The following ZNF385B variants were observed in gnomAD, a reference collection of about 807,000 sequenced individuals.
ZNF385B encodes zinc finger protein 385B, also known as zinc finger protein 533.
In ZNF385B, 23 loss-of-function variants were observed where a neutral mutation model predicts 39.2. The ratio of observed to expected loss-of-function variants is 0.59; its 90% CI spans 0.42 to 0.83. The LOEUF (loss-of-function observed/expected upper bound fraction) is 0.83. ZNF385B is among the 40% of genes least tolerant of loss of function. The probability of loss-of-function intolerance (pLI) is 0.00; values close to 1 mark genes in which losing one functional copy is unlikely to be tolerated. For synonymous variants in ZNF385B, 205 were observed against 222.6 expected (o/e 0.92, Z 0.70); for missense variants, 552 against 598.9 (o/e 0.92, Z 0.82).
intron 3 of ZNF385B, among the ~76,000 whole-genome samples, chr2:179,760,028 C>T (rs1169012375): frequency 6.7e-6 from 1 of 149,550 alleles, no homozygotes; most frequent in Non-Finnish European, 1.5e-5. Context: ...AACACCTTGC[C>T]CAGCTTCTAC....
intron 3 of ZNF385B, among the ~76,000 whole-genome samples, chr2:179,611,582 C>T (rs778553054): frequency 6.6e-6 from 1 of 152,120 alleles, no homozygotes; most frequent in Non-Finnish European, 1.5e-5. Context: ...GTATTTCCTC[C>T]TCCTATTTGT....
intron 3 of ZNF385B, among the ~76,000 whole-genome samples, chr2:179,716,521 T>C (rs950223846): frequency 1.3e-5 from 2 of 152,248 alleles, no homozygotes; most frequent in African/African-American, 2.4e-5. Context: ...ATAAATTATG[T>C]ATCTGATTTA....
In ZNF385B at chr2:179,841,914, CA is replaced by C. The variant is rs527983677; in HGVS notation, c.-155+19186del. Among the ~76,000 whole-genome samples, 129 of 152,226 alleles carry C rather than the reference CA, an allele frequency of 8.5e-4. 1 individual carries two copies. The highest frequency in any genetic ancestry group is 1.7e-3 in the Non-Finnish European group (114 of 68,002). ...TGAGAGGACTGATCACTCTCAAGAA[CA>C]AAATGACACACTCCCCACAAATACT... On this transcript the variant is annotated intron_variant, in intron 1 of 9. Coordinates refer to ENST00000410066, the MANE Select transcript of ZNF385B (RefSeq NM_152520.6).
chr2:179,517,975 C>T (rs2058207568), intron 5 of ZNF385B, among the ~76,000 whole-genome samples: 1 of 152,090 alleles, frequency 6.6e-6, no homozygotes, highest in Admixed American at 6.5e-5. Context: ...CAAAATTTGA[C>T]ACAAACATGA....
intron 3 of ZNF385B, among the ~76,000 whole-genome samples, chr2:179,697,234 T>C (rs1167814286): frequency 6.6e-6 from 1 of 152,196 alleles, no homozygotes; most frequent in Non-Finnish European, 1.5e-5. Context: ...CTGTTTTGTG[T>C]TCCCACCCAA....
intron 3 of ZNF385B, among the ~76,000 whole-genome samples, chr2:179,587,102 C>T (rs1405473643): frequency 6.6e-6 from 1 of 151,088 alleles, no homozygotes; most frequent in Non-Finnish European, 1.5e-5. Flanking sequence ...CCCTACTCCC[C>T]ACTCCCTTCC....
intron 3 of ZNF385B, among the ~76,000 whole-genome samples, chr2:179,734,345 T>C (rs1701601805): frequency 1.3e-5 from 2 of 152,230 alleles, no homozygotes; most frequent in Non-Finnish European, 1.5e-5. Flanking sequence ...TAAGTTTTAA[T>C]AGTTATTACC....
At chr2:179,557,276 G>C (rs1398142152) in intron 3 of ZNF385B, among the ~76,000 whole-genome samples, 1 of 148,852 alleles carries the variant, frequency 6.7e-6, no homozygotes. Flanking sequence ...ATTAGCATTT[G>C]GTGTGTTTTC....
intron 1 of ZNF385B, among the ~76,000 whole-genome samples, chr2:179,857,223 C>A: frequency 6.6e-6 from 1 of 152,178 alleles, no homozygotes; most frequent in East Asian, 1.9e-4. Context: ...AAAATTCAAT[C>A]CAACTAGTTA....
chr2:179,674,137 GA>G (rs962119050), intron 3 of ZNF385B, among the ~76,000 whole-genome samples: 18 of 151,882 alleles, frequency 1.2e-4, no homozygotes, highest in African/African-American at 4.3e-4. Flanking sequence ...GCATTCCTTT[GA>G]AAAAAAGTAT....
chr2:179,512,692 A>G (rs774053683), intron 5 of ZNF385B, among the ~76,000 whole-genome samples: 31 of 152,310 alleles, frequency 2.0e-4, no homozygotes, highest in Non-Finnish European at 3.8e-4. Flanking sequence ...ACACCATGTT[A>G]GAAAAAAGGT....
At chr2:179,612,443 G>A (rs892431092) in intron 3 of ZNF385B, among the ~76,000 whole-genome samples, 1 of 151,728 alleles carries the variant, frequency 6.6e-6, no homozygotes, top group Non-Finnish European at 1.5e-5. Context: ...TGAATTAAGG[G>A]GCACTCCAAG....
intron 3 of ZNF385B, among the ~76,000 whole-genome samples, chr2:179,652,536 A>T (rs1027917532): frequency 6.6e-6 from 1 of 152,114 alleles, no homozygotes; most frequent in African/African-American, 2.4e-5. Flanking sequence ...CAGCCAGGAA[A>T]TTGGGTGTTA....
intron 3 of ZNF385B, among the ~76,000 whole-genome samples, chr2:179,597,522 A>T (rs563768593): frequency 2.6e-5 from 4 of 152,208 alleles, no homozygotes; most frequent in African/African-American, 9.6e-5. Flanking sequence ...CACAGTCAGT[A>T]GCTTTACTCT....
chr2:179,459,588 AGTGT>A (rs3053314), intron 6 of ZNF385B, among the ~76,000 whole-genome samples: 18,674 of 145,926 alleles, frequency 0.13, 1,282 homozygotes, highest in African/African-American at 0.18. Context: ...AGAGAAAATA[AGTGT>A]GTGTGTGTGT....
At chr2:179,600,913 A>G (rs1262192826) in intron 3 of ZNF385B, among the ~76,000 whole-genome samples, 2 of 152,238 alleles carry the variant, frequency 1.3e-5, no homozygotes, top group African/African-American at 4.8e-5. Context: ...TGACTTTCTT[A>G]CATAATAGCA....
At chr2:179,617,166 T>A (rs1483934236) in intron 3 of ZNF385B, among the ~76,000 whole-genome samples, 1 of 152,218 alleles carries the variant, frequency 6.6e-6, no homozygotes, top group Non-Finnish European at 1.5e-5. Context: ...TTGGATATAA[T>A]TAATGATTCA....
At chr2:179,585,408 G>A (rs181411697) in intron 3 of ZNF385B, among the ~76,000 whole-genome samples, 23 of 152,248 alleles carry the variant, frequency 1.5e-4, no homozygotes, top group Admixed American at 1.2e-3. Context: ...GATTCAGGGT[G>A]TCTTTATAGT....
chr2:179,774,998 T>C (rs972995449), intron 1 of ZNF385B, among the ~76,000 whole-genome samples: 6 of 152,202 alleles, frequency 3.9e-5, no homozygotes, highest in Admixed American at 1.3e-4. Flanking sequence ...GGAGAAGATA[T>C]AGGGCTCTGG....
Sources: allele counts gnomAD v4.1 joint callset (sites outside exome capture counted in the v4.1 genomes callset), GRCh38; gene constraint gnomAD v4.1.1; transcripts MANE v1.5; gene names NCBI Gene and HGNC (gene_info 2026-07-23, HGNC 2026-07-21).